Variants in SLC25A35 observed in about 807,000 individuals in gnomAD.
The protein encoded by SLC25A35 is solute carrier family 25, member 35.
Under a neutral mutation model 30.5 loss-of-function variants are expected in SLC25A35, and 32 were observed. That is an observed-to-expected ratio of 1.05 (90% CI 0.79 to 1.41). The LOEUF is 1.41. SLC25A35 is among the 40% of genes most tolerant of loss of function. The pLI is 0.00. For synonymous variants in SLC25A35, 142 were observed against 158.1 expected, an observed-to-expected ratio of 0.90 and a Z score of 0.77; for missense variants, 369 against 388.0, an observed-to-expected ratio of 0.95 and a Z score of 0.41.
rs780491347 is a variant in SLC25A35 at position 8,290,667 on chromosome 17, G to C, written c.741C>G (p.Tyr247Ter). The C allele has an allele frequency of 8.3e-6, 13 of 1,574,334 alleles. No homozygotes were observed. The Middle Eastern group carries it at 1.3e-3, about 161-fold the overall frequency. Residue 247 changes from tyrosine (Y) to a stop codon, truncating the protein, a stop_gained, in exon 5 of 5, where the codon TAC (tyrosine) becomes TAG (stop). Coordinates refer to ENST00000577745, the MANE Select transcript of SLC25A35 (RefSeq NM_001320870.2). LOFTEE classifies it high-confidence loss of function. ...GCAGCAGAGCGTCCAGTATCCCCCG[G>C]TACATGAGGCCCTGAGAGTGTGTCA... ...PTDAQGKGLM[Y>*]RGILDALLQT...
chr17:8,290,780 G>A, intron 4 of SLC25A35, 62 bp downstream of exon 4: 1 of 1,604,390 alleles, frequency 6.2e-7, no homozygotes, highest in East Asian at 2.2e-5. Context: ...TATCCCACCT[G>A]CACCCGCAAT....
In SLC25A35 at chr17:8,290,499, C is replaced by T. The variant is rs968212399; in HGVS notation, c.*6G>A. On this transcript the variant is annotated 3_prime_UTR_variant, in exon 5 of 5. Transcript: ENST00000577745. Reference sequence around the variant, plus strand: ...GCTCATTTGGTGGAGACTGGGAAAGCGGCTGTTATTTAGTGTCTGTGTAGT... The same window carrying T: ...GCTCATTTGGTGGAGACTGGGAAAGTGGCTGTTATTTAGTGTCTGTGTAGT... The T allele has an allele frequency of 1.4e-5, 22 of 1,535,138 alleles. No homozygotes were observed. The highest frequency in any genetic ancestry group is 1.1e-4 in the South Asian group (9 of 83,986).
downstream of SLC25A35, chr17:8,288,934 G>A: frequency 6.2e-7 from 1 of 1,613,988 alleles, no homozygotes; most frequent in Non-Finnish European, 8.5e-7. Flanking sequence ...GGTCAACCAG[G>A]GTCTGCCTCG....
chr17:8,289,243 G>A (rs973056411), downstream of SLC25A35: 3 of 1,612,874 alleles, frequency 1.9e-6, no homozygotes, highest in Admixed American at 3.3e-5. Flanking sequence ...TCCTGACCCC[G>A]CTTCCCTACT....
chr17:8,290,077 T>C lies in SLC25A35; in HGVS notation c.*428A>G. On this transcript the variant is annotated 3_prime_UTR_variant, in exon 5 of 5. Transcript: ENST00000577745. ...CAATCCCTCTTCAGAATAAACTTGC[T>C]TTATAATCAATATAATCTCTGTGCC... 3 of 1,544,882 alleles carry C rather than the reference T, an allele frequency of 1.9e-6. No individual in the cohort carries two copies. The highest frequency in any genetic ancestry group is 2.6e-6 in the Non-Finnish European group (3 of 1,145,160).
At chr17:8,289,804 C>G, downstream of SLC25A35, 2 of 1,613,784 alleles carry the variant, frequency 1.2e-6, no homozygotes, top group Non-Finnish European at 1.7e-6. Flanking sequence ...TCTGTTCCCC[C>G]ACCCCAAGCC....
downstream of SLC25A35, chr17:8,288,707 G>A: frequency 6.6e-7 from 1 of 1,515,930 alleles, no homozygotes; most frequent in Non-Finnish European, 9.2e-7. Context: ...TGGCAGCTGC[G>A]AAACCCAGGG....
intron 4 of SLC25A35, 67 bp from the exon 5 acceptor site, chr17:8,290,745 C>T: frequency 6.2e-7 from 1 of 1,602,354 alleles, no homozygotes; most frequent in Non-Finnish European, 8.5e-7. Context: ...CCAGGGGCAG[C>T]ACCTCTACAG....
chr17:8,290,680 T>A lies in SLC25A35; in HGVS notation c.730-2A>T. 1 of 1,588,798 alleles carries A rather than the reference T, an allele frequency of 6.3e-7. No individual in the cohort carries two copies. ...CAGTATCCCCCGGTACATGAGGCCCTGAGAGTGTGTCAGAGAGGGAGGGAG... is the reference window on the plus strand; with the variant it reads ...CAGTATCCCCCGGTACATGAGGCCCAGAGAGTGTGTCAGAGAGGGAGGGAG... On this transcript the variant is annotated splice_acceptor_variant, in intron 4 of 4. Transcript: ENST00000577745. LOFTEE classifies it high-confidence loss of function.
At chr17:8,289,393 G>A (rs1990299462), downstream of SLC25A35, 1 of 1,614,112 alleles carries the variant, frequency 6.2e-7, no homozygotes. Context: ...GCAAGCAGCA[G>A]ATAGCTAAGG....
At chr17:8,287,942 C>G (rs988103993), downstream of SLC25A35, 1 of 152,140 alleles carries the variant, frequency 6.6e-6, no homozygotes, top group African/African-American at 2.4e-5. Flanking sequence ...AACCTGGACG[C>G]ATTGTTCCCC....
rs1990401466 is a variant in SLC25A35, at chr17:8,290,524, T to C, written c.884A>G (p.Tyr295Cys). ...CGGCTGTTATTTAGTGTCTGTGTAG[T>C]AGAGGGAGCGCAGCTGGTCCCAGAA... The part of the protein sequence containing the change: ...LFFWDQLRSL[Y>C]YTDTK The change falls in exon 5 of 5, where the codon TAC becomes TGC. Residue 295 changes from tyrosine to cysteine, a missense_variant. Transcript: ENST00000577745. 1 of 1,535,726 alleles carries C rather than the reference T, an allele frequency of 6.5e-7. No individual in the cohort carries two copies. The highest frequency in any genetic ancestry group is 8.7e-7 in the Non-Finnish European group (1 of 1,146,810).
chr17:8,291,168 G>A (rs1597445646), intron 3 of SLC25A35, among the ~76,000 whole-genome samples, 165 bp downstream of exon 3: 3 of 152,138 alleles, frequency 2.0e-5, no homozygotes, highest in Non-Finnish European at 4.4e-5. Flanking sequence ...CTTCTGGGAG[G>A]AAGTGACAAG....
downstream of SLC25A35, chr17:8,288,964 G>T (rs781125251): frequency 2.5e-6 from 4 of 1,614,116 alleles, no homozygotes; most frequent in Non-Finnish European, 3.4e-6. Flanking sequence ...AGCGACCTCC[G>T]ACCGGTCCCG....
downstream of SLC25A35, chr17:8,289,238 A>G (rs771337459): frequency 1.9e-6 from 3 of 1,612,414 alleles, no homozygotes; most frequent in Admixed American, 3.3e-5. Flanking sequence ...TCCCTTCCTG[A>G]CCCCGCTTCC....
intron 2 of SLC25A35, among the ~76,000 whole-genome samples, chr17:8,291,782 G>A (rs1015557614): frequency 1.3e-5 from 2 of 152,220 alleles, no homozygotes; most frequent in Non-Finnish European, 2.9e-5. Flanking sequence ...AGGCACGGTG[G>A]CTCACGCCTG....
intron 1 of SLC25A35, among the ~76,000 whole-genome samples, chr17:8,293,541 T>G (rs1052203441): frequency 6.9e-6 from 1 of 145,182 alleles, no homozygotes; most frequent in African/African-American, 2.5e-5. Context: ...ACTAGTAATT[T>G]TCTTTCTTTT....
downstream of SLC25A35, chr17:8,288,192 A>G (rs949497015): frequency 3.7e-5 from 6 of 161,916 alleles, no homozygotes; most frequent in East Asian, 1.1e-3. Flanking sequence ...TCCAGCACTT[A>G]GGGAGCCGAG....
At chr17:8,289,846 T>G (rs377749119), downstream of SLC25A35, 1 of 1,613,934 alleles carries the variant, frequency 6.2e-7, no homozygotes, top group African/African-American at 1.3e-5. Flanking sequence ...GCCCCGAAAA[T>G]CTGTCACCTG....
Sources: gnomAD v4.1 joint callset for allele counts (sites outside exome capture counted in the v4.1 genomes callset) on GRCh38, gnomAD v4.1.1 for gene constraint, MANE v1.5 for transcripts, NCBI Gene and HGNC (gene_info 2026-07-23, HGNC 2026-07-21) for gene names.